TNK2: variants seen among roughly 807,000 people sequenced by gnomAD.
The protein encoded by TNK2 is activated CDC42 kinase 1.
TNK2 carries 83 observed loss-of-function variants against 101.8 expected under a neutral mutation model. The ratio of observed to expected loss-of-function variants is 0.82; its 90% CI spans 0.68 to 0.98. TNK2 has a LOEUF of 0.98. TNK2 is among the 50% of genes least tolerant of loss of function. The probability of loss-of-function intolerance (pLI) is 0.00; values close to 1 mark genes in which losing one functional copy is unlikely to be tolerated. For missense variants in TNK2, 1,665 were observed against 1,483.2 expected, an observed-to-expected ratio of 1.12 and a Z score of -2.01; for synonymous variants, 804 against 633.0, an observed-to-expected ratio of 1.27 and a Z score of -4.06.
chr3:195,881,973 G>A (rs1477384277), intron 6 of TNK2, 78 bp downstream of exon 6: 12 of 1,517,110 alleles, frequency 7.9e-6, no homozygotes, highest in Non-Finnish European at 1.1e-5. Flanking sequence ...CAGGGGCTGT[G>A]GTGGGTCCAG....
intron 1 of TNK2, chr3:195,908,028 C>T (rs1054780542): frequency 3.3e-5 from 5 of 152,366 alleles, no homozygotes; most frequent in African/African-American, 1.2e-4. Context: ...TCTCAGCTCA[C>T]GTGACCAACA....
At position 195,885,484 on chromosome 3, in the gene TNK2, G is replaced by T; in HGVS notation, c.235-451C>A. The T allele has an allele frequency of 1.5e-6, 2 of 1,299,492 alleles. No individual in the cohort carries two copies. The highest frequency in any genetic ancestry group is 2.0e-6 in the Non-Finnish European group (2 of 995,666). The allele number at this position is 1,299,492 out of a possible 1,614,324, so 80.5% of individuals were successfully genotyped here. On this transcript the variant is annotated intron_variant, in intron 3 of 15. Transcript: ENST00000672887. The surrounding 1 kb of genome is among the most constrained non-coding windows in gnomAD (Gnocchi z 4.7). Reference sequence around the variant, plus strand: ...CATTTTTAGCCCTGGCCCCTTCTCTGGCCTGACCATTTGGTGCTGTCTGTC... The same window carrying T: ...CATTTTTAGCCCTGGCCCCTTCTCTTGCCTGACCATTTGGTGCTGTCTGTC...
intron 9 of TNK2, among the ~76,000 whole-genome samples, chr3:195,875,544 G>A (rs557682601): frequency 6.6e-5 from 10 of 152,278 alleles, no homozygotes; most frequent in South Asian, 4.1e-4. Flanking sequence ...CAAGAGGACC[G>A]TGTCACTTCT....
At chr3:195,889,892 G>A (rs551334049) in intron 1 of TNK2, among the ~76,000 whole-genome samples, 7 of 152,248 alleles carry the variant, frequency 4.6e-5, no homozygotes, top group East Asian at 1.9e-4. Context: ...CCAGCTGCCC[G>A]GCTGGGGACC....
Position 195,888,716 on chromosome 3 carries a change from C to T in TNK2, c.-18-110G>A. On this transcript the variant is annotated intron_variant, in intron 1 of 15. Transcript: ENST00000672887. The surrounding 1 kb of genome is among the most constrained non-coding windows in gnomAD (Gnocchi z 5.3). The stretch of plus-strand genomic sequence containing the variant: ...CACTACACGGCCACCCGGAAGGGCT[C>T]ACACCACCTTCTGACTCCCGAGGGA... 1 of 1,044,136 alleles carries T rather than the reference C, an allele frequency of 9.6e-7. No individual in the cohort carries two copies. Among genetic ancestry groups the T allele is most frequent in the Non-Finnish European group, 1.3e-6 (1 of 741,660 alleles). The allele number at this position is 1,044,136 out of a possible 1,614,324, so 64.7% of individuals were successfully genotyped here.
intron 1 of TNK2, chr3:195,895,488 T>A: frequency 7.3e-7 from 1 of 1,361,022 alleles, no homozygotes; most frequent in Non-Finnish European, 9.4e-7. Flanking sequence ...GGCGGCCGGG[T>A]GGTCGCGCCC....
chr3:195,905,658 A>T (rs747768706), intron 1 of TNK2, among the ~76,000 whole-genome samples: 2 of 152,174 alleles, frequency 1.3e-5, no homozygotes, highest in Non-Finnish European at 2.9e-5. Flanking sequence ...AACGAATCCT[A>T]GATCTCAATG....
chr3:195,893,607 G>A (rs921229019), intron 1 of TNK2, among the ~76,000 whole-genome samples: 6 of 151,542 alleles, frequency 4.0e-5, no homozygotes, highest in South Asian at 2.1e-4. Flanking sequence ...GATCTCTCTG[G>A]CCCTCCTCAA....
chr3:195,887,657 T>C (rs11713323), intron 2 of TNK2, among the ~76,000 whole-genome samples: 26,596 of 152,102 alleles, frequency 0.17, 3,049 homozygotes, highest in South Asian at 0.4. Flanking sequence ...ATCATGACTT[T>C]TAGATGCTAC....
In TNK2 at chr3:195,882,053, G is replaced by A; in HGVS notation, c.885C>T (p.Ala295=). The change falls in exon 6 of 16, where the codon GCC becomes GCT. Residue 295 remains alanine (A), a splice_region_variant and synonymous_variant. Transcript: ENST00000672887. This position sits in a 1 kb window ranked among gnomAD's most constrained non-coding sequence, Gnocchi z 4.2. Reference sequence around the variant, plus strand: ...AGCTGGCAGCACCTGCCCCTCACCAGGCGAAGGGCACCTTGCGATGTTCCT... The same window carrying A: ...AGCTGGCAGCACCTGCCCCTCACCAAGCGAAGGGCACCTTGCGATGTTCCT... ...VMQEHRKVPF[A]WCAPESLKTR... The A allele has an allele frequency of 6.2e-7, 1 of 1,607,358 alleles. No homozygotes were observed. The highest frequency in any genetic ancestry group is 8.5e-7 in the Non-Finnish European group (1 of 1,175,022).
chr3:195,888,334 G>A lies in TNK2; in HGVS notation c.163+92C>T, dbSNP rs984576380. On this transcript the variant is annotated intron_variant, in intron 2 of 15. Coordinates refer to ENST00000672887, the MANE Select transcript of TNK2 (RefSeq NM_001382273.1). The surrounding 1 kb of genome is among the most constrained non-coding windows in gnomAD (Gnocchi z 5.3). ...TGCTCCCTCAGGGCTCTGGGACAGA[G>A]TTCTCAGCTGCCACCCGTGCACCGA... is the stretch of plus-strand genomic sequence containing the variant. 1.4e-6 allele frequency: 2 copies of A among 1,410,208 alleles called. No homozygotes were observed. Among genetic ancestry groups the A allele is most frequent in the African/African-American group, 2.8e-5 (2 of 70,274 alleles). 87.4% of individuals were successfully genotyped at this position (1,410,208 alleles called of 1,614,324 possible).
At position 195,868,588 on chromosome 3, in the gene TNK2, C is replaced by T; in HGVS notation, c.1710G>A (p.Val570=). 1 of 1,574,958 alleles carries T rather than the reference C, an allele frequency of 6.3e-7. No homozygotes were observed. Among genetic ancestry groups the T allele is most frequent in the East Asian group, 2.3e-5 (1 of 43,110 alleles). ...GLWLAKPSAR[V]PGTKASRGSG... is the part of the protein sequence containing the mutation. ...TGCCTCGGCTGGCCTTGGTGCCCGG[C>T]ACCCGCGCCGAGGGCTTCGCCAGCC... is the stretch of plus-strand genomic sequence containing the variant. Residue 570 remains valine (V), a synonymous_variant, in exon 13 of 16, where the codon GTG becomes GTA. Transcript: ENST00000672887.
chr3:195,864,898 A>T (rs1739577876), intron 15 of TNK2, among the ~76,000 whole-genome samples: 2 of 134,030 alleles, frequency 1.5e-5, no homozygotes, highest in African/African-American at 2.8e-5. Flanking sequence ...TCCCGGGTGC[A>T]AATCAGTAAG....
At chr3:195,900,155 T>C (rs761724444) in intron 1 of TNK2, among the ~76,000 whole-genome samples, 1 of 151,936 alleles carries the variant, frequency 6.6e-6, no homozygotes, top group African/African-American at 2.4e-5. Context: ...GGAAGGTGCC[T>C]TCTCATCGGA....
intron 1 of TNK2, among the ~76,000 whole-genome samples, chr3:195,907,683 T>G (rs1204523387): frequency 4.6e-5 from 7 of 152,196 alleles, no homozygotes; most frequent in African/African-American, 1.7e-4. Context: ...CCCCCACCCT[T>G]GGCCCCTACA....
chr3:195,900,868 C>G lies in TNK2; in HGVS notation c.-19+7617G>C, dbSNP rs146742433. Among the ~76,000 whole-genome samples the G allele has an allele frequency of 2.9e-3, 446 of 152,342 alleles. 4 individuals are homozygous for G. Among genetic ancestry groups the G allele is most frequent in the South Asian group, 0.023 (112 of 4,828 alleles). ...GGCAGAGGCTGCCCGGCTCGTCATC[C>G]TGCCTGCTGCCAGCTCAGGCCATAC... On this transcript the variant is annotated intron_variant, in intron 1 of 15. Coordinates refer to ENST00000672887, the MANE Select transcript of TNK2 (RefSeq NM_001382273.1).
intron 1 of TNK2, chr3:195,907,973 CGGGCCAGG>C (rs1761914774): frequency 6.6e-6 from 1 of 152,322 alleles, no homozygotes; most frequent in African/African-American, 2.4e-5. Flanking sequence ...GTGGCAGAAG[CGGGCCAGG>C]CTCGTGCCGT....
At chr3:195,880,752 C>G (rs1293898367) in intron 6 of TNK2, among the ~76,000 whole-genome samples, 2 of 20,708 alleles carry the variant, frequency 9.7e-5, no homozygotes, top group Non-Finnish European at 8.5e-5. Flanking sequence ...GAGGACACAG[C>G]ATCTATCCCT....
intron 6 of TNK2, among the ~76,000 whole-genome samples, chr3:195,881,793 C>T (rs1753240424): frequency 6.6e-6 from 1 of 151,794 alleles, no homozygotes; most frequent in South Asian, 2.1e-4. Context: ...CCCCGTATCA[C>T]CCCACCCAGC....
Sources: gnomAD v4.1 joint callset for allele counts (sites outside exome capture counted in the v4.1 genomes callset) on GRCh38, gnomAD v4.1.1 for gene constraint, Gnocchi (gnomAD v3.1) non-coding constraint, MANE v1.5 for transcripts, NCBI Gene and HGNC (gene_info 2026-07-23, HGNC 2026-07-21) for gene names.